Variants in WDPCP observed in about 807,000 individuals in gnomAD.
WDPCP encodes the protein WD repeat-containing and planar cell polarity effector protein fritz homolog.
WDPCP carries 71 observed loss-of-function variants against 93.1 expected under a neutral mutation model. The observed-to-expected ratio is 0.76, with a 90% confidence interval of 0.63 to 0.93. The LOEUF is 0.93. Ranked by LOEUF, WDPCP falls within the 40% of genes least tolerant of loss-of-function variation. The pLI is 0.00. For synonymous variants in WDPCP, 315 were observed against 315.0 expected (o/e 1.00, Z 0.00); for missense variants, 844 against 887.4 (o/e 0.95, Z 0.62).
chr2:63,796,505 C>A (rs1670619401), intron 2 of WDPCP, among the ~76,000 whole-genome samples: 2 of 152,222 alleles, frequency 1.3e-5, no homozygotes, highest in Admixed American at 1.3e-4. Context: ...CCCCCTCCCC[C>A]ATCCCCTGGC....
At chr2:63,431,404 T>C (rs1462997565) in intron 9 of WDPCP, among the ~76,000 whole-genome samples, 1 of 152,206 alleles carries the variant, frequency 6.6e-6, no homozygotes, top group African/African-American at 2.4e-5. Context: ...ACCTAGATGG[T>C]AAATGCTTTT....
chr2:63,328,452 A>G (rs1327301065), intron 12 of WDPCP, among the ~76,000 whole-genome samples: 1 of 152,142 alleles, frequency 6.6e-6, no homozygotes, highest in East Asian at 1.9e-4. Flanking sequence ...CGAGACCACA[A>G]ATCCACCGGG....
At chr2:63,355,801 T>A (rs1463970409) in intron 12 of WDPCP, among the ~76,000 whole-genome samples, 2 of 152,078 alleles carry the variant, frequency 1.3e-5, no homozygotes, top group Admixed American at 1.3e-4. Context: ...GGCAGGAGAA[T>A]TGCTTGAACC....
chr2:63,437,601 T>C (rs1697221894), intron 7 of WDPCP, 47 bp from the exon 8 acceptor site: 2 of 1,503,104 alleles, frequency 1.3e-6, no homozygotes, highest in Non-Finnish European at 1.8e-6. Context: ...AAATAATGAA[T>C]AGATTTTTCC....
chr2:63,582,343 C>T (rs115680619), intron 1 of WDPCP, among the ~76,000 whole-genome samples: 1,838 of 152,144 alleles, frequency 0.012, 38 homozygotes, highest in African/African-American at 0.041. Flanking sequence ...GAAAACCTAG[C>T]AACAGAAACT....
At chr2:63,131,901 T>A (rs541575967) in intron 17 of WDPCP, among the ~76,000 whole-genome samples, 5 of 150,382 alleles carry the variant, frequency 3.3e-5, no homozygotes, top group Non-Finnish European at 7.4e-5. Flanking sequence ...AGTGGTGCGA[T>A]CTCAGCTCAC....
intron 1 of WDPCP, among the ~76,000 whole-genome samples, chr2:63,568,930 A>G (rs1284902516): frequency 6.6e-6 from 1 of 152,276 alleles, no homozygotes; most frequent in African/African-American, 2.4e-5. Context: ...TAAGAATGTT[A>G]GCACAGGTCT....
chr2:63,613,190 G>A (rs1709632617), intron 3 of WDPCP, among the ~76,000 whole-genome samples: 1 of 152,294 alleles, frequency 6.6e-6, no homozygotes, highest in Non-Finnish European at 1.5e-5. Flanking sequence ...ATTGATTAAG[G>A]GGGGAAAATC....
chr2:63,714,855 A>G (rs192903748), intron 2 of WDPCP, among the ~76,000 whole-genome samples: 6 of 152,328 alleles, frequency 3.9e-5, no homozygotes, highest in African/African-American at 1.4e-4. Flanking sequence ...CAACAAATAA[A>G]TAATAGTACA....
At chr2:63,362,787 C>A (rs1690588269) in intron 12 of WDPCP, among the ~76,000 whole-genome samples, 1 of 152,046 alleles carries the variant, frequency 6.6e-6, no homozygotes, top group Non-Finnish European at 1.5e-5. Flanking sequence ...ACTTCAGCCC[C>A]CTAAGTAGCT....
chr2:63,527,482 T>A (rs1703435527), intron 1 of WDPCP, among the ~76,000 whole-genome samples: 1 of 151,570 alleles, frequency 6.6e-6, no homozygotes, highest in Non-Finnish European at 1.5e-5. Context: ...TGGTTTTCTG[T>A]CCTTGCGATA....
At chr2:63,268,256 T>C (rs1682322869) in intron 13 of WDPCP, among the ~76,000 whole-genome samples, 1 of 152,126 alleles carries the variant, frequency 6.6e-6, no homozygotes, top group African/African-American at 2.4e-5. Flanking sequence ...TCACTTGTTA[T>C]ATATGGATTT....
chr2:63,775,899 T>C (rs977613593), intron 2 of WDPCP, among the ~76,000 whole-genome samples: 1 of 152,106 alleles, frequency 6.6e-6, no homozygotes, highest in Non-Finnish European at 1.5e-5. Context: ...CAGGCATTAG[T>C]ATTAAAAAAT....
intron 14 of WDPCP, among the ~76,000 whole-genome samples, chr2:63,188,020 C>G (rs1460042658): frequency 6.6e-6 from 1 of 152,050 alleles, no homozygotes; most frequent in Non-Finnish European, 1.5e-5. Context: ...CATCCCATTT[C>G]TTTTTAGCCT....
intron 1 of WDPCP, among the ~76,000 whole-genome samples, chr2:63,822,314 T>C (rs1216862240): frequency 1.3e-5 from 2 of 152,150 alleles, no homozygotes; most frequent in Non-Finnish European, 2.9e-5. Context: ...CTCTCTGTAC[T>C]GTTGACACTG....
intron 6 of WDPCP, among the ~76,000 whole-genome samples, chr2:63,481,667 C>G (rs1221581849): frequency 1.3e-5 from 2 of 151,790 alleles, no homozygotes; most frequent in Non-Finnish European, 2.9e-5. Flanking sequence ...TGTATATTCT[C>G]ACTTATAAGT....
At chr2:63,445,845 T>C (rs1697823231) in intron 6 of WDPCP, among the ~76,000 whole-genome samples, 1 of 152,202 alleles carries the variant, frequency 6.6e-6, no homozygotes, top group Admixed American at 6.5e-5. Flanking sequence ...CAGAAGACTT[T>C]TATATGCAAC....
chr2:63,625,997 C>T (rs532177179), intron 3 of WDPCP, among the ~76,000 whole-genome samples: 69 of 152,174 alleles, frequency 4.5e-4, no homozygotes, highest in African/African-American at 1.6e-3. Flanking sequence ...GATATATAGA[C>T]CTATGGAACA....
At chr2:63,253,596 T>C (rs532414679) in intron 14 of WDPCP, among the ~76,000 whole-genome samples, 54 of 152,158 alleles carry the variant, frequency 3.5e-4, no homozygotes, top group African/African-American at 1.2e-3. Context: ...TGAACAATCA[T>C]TACTCAAAAG....
Sources: allele counts gnomAD v4.1 joint callset (sites outside exome capture counted in the v4.1 genomes callset), GRCh38; gene constraint gnomAD v4.1.1; transcripts MANE v1.5; gene names NCBI Gene and HGNC (gene_info 2026-07-23, HGNC 2026-07-21).